The following CDH7 variants were observed in gnomAD, a reference collection of about 807,000 sequenced individuals.
CDH7 encodes the protein cadherin 7.
CDH7 carries 25 observed loss-of-function variants against 71.8 expected under a neutral mutation model. The observed-to-expected ratio is 0.35, with a 90% CI of 0.25 to 0.49. The LOEUF is 0.49. Among genes scored for constraint, CDH7 ranks in the 20% least tolerant of loss-of-function variants. CDH7 has a pLI of 0.99. For missense variants in CDH7, 862 were observed against 974.6 expected (o/e 0.88, Z 1.54); for synonymous variants, 381 against 363.8 (o/e 1.05, Z -0.54).
chr18:65,875,322 A>C (rs948443368), intron 11 of CDH7, among the ~76,000 whole-genome samples: 2 of 152,136 alleles, frequency 1.3e-5, no homozygotes, highest in African/African-American at 2.4e-5. Context: ...AAGTGGGGAG[A>C]TTGGTTAGGA....
chr18:65,750,672 C>G (rs968669102), upstream of CDH7: 1 of 152,132 alleles, frequency 6.6e-6, no homozygotes, highest in Non-Finnish European at 1.5e-5. Flanking sequence ...GCCGAAGTCT[C>G]AGTGGCTCCC....
chr18:65,752,767 G>A (rs1207824468), intron 1 of CDH7, among the ~76,000 whole-genome samples: 1 of 152,196 alleles, frequency 6.6e-6, no homozygotes. Context: ...GGGAAAGCTA[G>A]CCGAGTCTGT....
chr18:65,840,575 C>T (rs1484952550), intron 6 of CDH7, among the ~76,000 whole-genome samples: 1 of 152,104 alleles, frequency 6.6e-6, no homozygotes, highest in Non-Finnish European at 1.5e-5. Flanking sequence ...TGGTTTCCCC[C>T]CATACTGCTC....
At chr18:65,804,670 C>G (rs1911247377) in intron 2 of CDH7, among the ~76,000 whole-genome samples, 1 of 151,242 alleles carries the variant, frequency 6.6e-6, no homozygotes, top group Admixed American at 6.6e-5. Context: ...CAAGGACATG[C>G]AAGCACGTTT....
intron 1 of CDH7, among the ~76,000 whole-genome samples, chr18:65,757,953 A>G (rs566252511): frequency 2.7e-4 from 41 of 152,328 alleles, no homozygotes; most frequent in African/African-American, 9.6e-4. Flanking sequence ...GATAGAAGAT[A>G]AACAACATAG....
intron 6 of CDH7, among the ~76,000 whole-genome samples, chr18:65,834,261 C>A (rs1206550097): frequency 6.6e-6 from 1 of 152,268 alleles, no homozygotes; most frequent in Non-Finnish European, 1.5e-5. Flanking sequence ...TGGCTTGGAA[C>A]AAGTGATGTT....
intron 5 of CDH7, among the ~76,000 whole-genome samples, chr18:65,824,346 T>C (rs1912046933): frequency 6.6e-6 from 1 of 151,808 alleles, no homozygotes; most frequent in African/African-American, 2.4e-5. Flanking sequence ...TTACTTTAAA[T>C]TTATTTTTAT....
chr18:65,859,095 A>C, intron 9 of CDH7, 49 bp downstream of exon 9: 8 of 1,581,522 alleles, frequency 5.1e-6, no homozygotes, highest in Non-Finnish European at 6.9e-6. Flanking sequence ...TTCTTAAAAA[A>C]TATCCAGCAG....
At chr18:65,816,912 G>A (rs1027834589) in intron 4 of CDH7, among the ~76,000 whole-genome samples, 2 of 152,156 alleles carry the variant, frequency 1.3e-5, no homozygotes, top group African/African-American at 4.8e-5. Context: ...ATACTTAGGA[G>A]TATTCTAAGG....
intron 6 of CDH7, among the ~76,000 whole-genome samples, chr18:65,830,280 C>A (rs1404601329): frequency 6.6e-6 from 1 of 152,064 alleles, no homozygotes; most frequent in African/African-American, 2.4e-5. Context: ...CAGTGCTTTG[C>A]AAATAGAGTG....
chr18:65,772,396 A>G (rs575268239), intron 2 of CDH7, among the ~76,000 whole-genome samples: 2 of 152,244 alleles, frequency 1.3e-5, no homozygotes, highest in South Asian at 4.1e-4. Context: ...CATCTACTCT[A>G]TCCCTGACGC....
chr18:65,787,384 A>G (rs2143849042), intron 2 of CDH7, among the ~76,000 whole-genome samples: 1 of 152,308 alleles, frequency 6.6e-6, no homozygotes, highest in African/African-American at 2.4e-5. Context: ...TGATTTTGAC[A>G]TCAGTTCAAT....
intron 2 of CDH7, among the ~76,000 whole-genome samples, chr18:65,800,457 G>T (rs952564547): frequency 6.6e-6 from 1 of 152,006 alleles, no homozygotes; most frequent in Non-Finnish European, 1.5e-5. Context: ...GATAAAAACC[G>T]GTTTGTGTGC....
chr18:65,869,783 T>C (rs1237876605), intron 11 of CDH7, among the ~76,000 whole-genome samples: 1 of 152,106 alleles, frequency 6.6e-6, no homozygotes, highest in East Asian at 1.9e-4. Flanking sequence ...GCTAATCAGA[T>C]GCTGATCTGA....
chr18:65,828,277 G>A lies in CDH7; in HGVS notation c.981+3446G>A, dbSNP rs143204014. Among the ~76,000 whole-genome samples the A allele has an allele frequency of 3.1e-3, 473 of 152,080 alleles. 2 individuals are homozygous for A. Among genetic ancestry groups the A allele is most frequent in the African/African-American group, 0.01 (430 of 41,508 alleles). On this transcript the variant is annotated intron_variant, in intron 6 of 11. Transcript: ENST00000397968. Reference sequence around the variant, plus strand: ...AAAATAGTGGAAATGATACATTTGCGTTTTACTGCAGTTTAAGCTTACTAA... The same window carrying A: ...AAAATAGTGGAAATGATACATTTGCATTTTACTGCAGTTTAAGCTTACTAA...
At chr18:65,776,106 G>A (rs2143817147) in intron 2 of CDH7, among the ~76,000 whole-genome samples, 1 of 152,126 alleles carries the variant, frequency 6.6e-6, no homozygotes, top group Non-Finnish European at 1.5e-5. Context: ...TAATACTTGG[G>A]AAATATCTTT....
intron 2 of CDH7, among the ~76,000 whole-genome samples, chr18:65,809,426 T>C (rs935980358): frequency 6.6e-5 from 10 of 152,310 alleles, no homozygotes; most frequent in African/African-American, 2.2e-4. Flanking sequence ...ACAGATCAAA[T>C]ACAAAATAAC....
rs1238547989 is a variant in CDH7 at position 65,885,033 on chromosome 18, T to G, written c.*4139T>G. Reference sequence around the variant, plus strand: ...TTAGTGTATGTTTATTTTTTAATTATTAATAATGTATATTGTGTGTATATA... The same window carrying G: ...TTAGTGTATGTTTATTTTTTAATTAGTAATAATGTATATTGTGTGTATATA... On this transcript the variant is annotated 3_prime_UTR_variant, in exon 12 of 12. Transcript: ENST00000397968. 1 of 152,224 alleles carries G rather than the reference T, an allele frequency of 6.6e-6. No homozygotes were observed. The highest frequency in any genetic ancestry group is 1.5e-5 in the Non-Finnish European group (1 of 68,044). The allele number at this position is 152,224 out of a possible 1,614,324, so 9.4% of individuals were successfully genotyped here.
At chr18:65,876,864 T>A (rs1162612858) in intron 11 of CDH7, among the ~76,000 whole-genome samples, 2 of 152,212 alleles carry the variant, frequency 1.3e-5, no homozygotes, top group Non-Finnish European at 2.9e-5. Flanking sequence ...TAAACAGATA[T>A]GTAAATTCCT....
Sources: gnomAD v4.1 joint callset for allele counts (sites outside exome capture counted in the v4.1 genomes callset) on GRCh38, gnomAD v4.1.1 for gene constraint, MANE v1.5 for transcripts, NCBI Gene and HGNC (gene_info 2026-07-23, HGNC 2026-07-21) for gene names.